Variants in CRADD observed in about 807,000 individuals in gnomAD.
CRADD encodes CARD and death domain containing adaptor protein.
A neutral mutation model predicts 15.5 loss-of-function variants in CRADD; 9 were observed. The observed-to-expected ratio is 0.58, with a 90% CI of 0.35 to 1.01. CRADD has a LOEUF of 1.01. Ranked by LOEUF, CRADD falls within the 50% of genes least tolerant of loss-of-function variation. The pLI is 0.02. For missense variants in CRADD, 227 were observed against 250.3 expected, an observed-to-expected ratio of 0.91 and a Z score of 0.63; for synonymous variants, 118 against 107.6, an observed-to-expected ratio of 1.10 and a Z score of -0.60.
intron 2 of CRADD, among the ~76,000 whole-genome samples, chr12:93,795,273 G>A (rs1336788946): frequency 1.3e-5 from 2 of 152,162 alleles, no homozygotes; most frequent in East Asian, 1.9e-4. Context: ...CCCCAAAGGC[G>A]AATCTGTGCA....
intron 2 of CRADD, among the ~76,000 whole-genome samples, chr12:93,804,268 G>A (rs1957510306): frequency 6.6e-6 from 1 of 152,184 alleles, no homozygotes; most frequent in Non-Finnish European, 1.5e-5. Context: ...AGTGATGCCA[G>A]TGAGGATGTT....
chr12:93,892,456 G>GC (rs1958582856), intron 2 of CRADD, among the ~76,000 whole-genome samples: 1 of 152,192 alleles, frequency 6.6e-6, no homozygotes, highest in Non-Finnish European at 1.5e-5. Context: ...CGTTGTGATT[G>GC]CAACTGTGAC....
intron 2 of CRADD, among the ~76,000 whole-genome samples, chr12:93,688,691 C>T (rs1236533389): frequency 2.6e-5 from 4 of 152,020 alleles, no homozygotes; most frequent in Admixed American, 6.6e-5. Flanking sequence ...TGAACAGATG[C>T]GAAAATGTAA....
chr12:93,857,326 C>G (rs754046583), intron 2 of CRADD, among the ~76,000 whole-genome samples: 32 of 152,154 alleles, frequency 2.1e-4, no homozygotes, highest in Non-Finnish European at 2.2e-4. Context: ...GTATAACCTC[C>G]TACTTGTCAG....
At chr12:93,728,928 C>T (rs766673873) in intron 2 of CRADD, among the ~76,000 whole-genome samples, 14 of 152,262 alleles carry the variant, frequency 9.2e-5, no homozygotes, top group Admixed American at 2.0e-4. Context: ...AGTCTAGAAG[C>T]AGGCTTGAGT....
In CRADD at chr12:93,695,288, C is replaced by T. The variant is rs1955676549; in HGVS notation, c.298+16216C>T. 2.0e-5 allele frequency among the ~76,000 whole-genome samples: 3 copies of T among 152,190 alleles called. No homozygotes were observed. The South Asian group carries it at 6.2e-4, about 31-fold the overall frequency. On this transcript the variant is annotated intron_variant, in intron 2 of 2. Transcript: ENST00000332896. ...CAGAAGAATTTAGACCCTCATCTCA[C>T]ACCATGTATAAAAATAAACTCAAAA... is the stretch of plus-strand genomic sequence containing the variant.
intron 2 of CRADD, among the ~76,000 whole-genome samples, chr12:93,726,136 CT>C (rs1206215785): frequency 3.7e-5 from 4 of 109,156 alleles, no homozygotes; most frequent in East Asian, 3.0e-4. Flanking sequence ...TGGAGTTTCA[CT>C]TTTGTCACCC....
chr12:93,690,215 G>A (rs1565872672), intron 2 of CRADD, among the ~76,000 whole-genome samples: 3 of 152,186 alleles, frequency 2.0e-5, no homozygotes, highest in Non-Finnish European at 4.4e-5. Context: ...CTTCCTCTAG[G>A]ACACCAGAAT....
chr12:93,836,583 T>A (rs1303804393), intron 2 of CRADD, among the ~76,000 whole-genome samples: 1 of 152,240 alleles, frequency 6.6e-6, no homozygotes, highest in African/African-American at 2.4e-5. Flanking sequence ...TCCTCTCTTT[T>A]TAATTTTCTG....
chr12:93,733,791 T>C (rs1464088826), intron 2 of CRADD: 3 of 151,782 alleles, frequency 2.0e-5, no homozygotes, highest in Non-Finnish European at 4.4e-5. Context: ...CAGGCTAGAC[T>C]GCAGTGGTGA....
rs1957056374 is a variant in CRADD at position 93,769,089 on chromosome 12, T to TA, written c.299-80881_299-80880insA. Among the ~76,000 whole-genome samples, 4 of 152,112 alleles carry TA rather than the reference T, an allele frequency of 2.6e-5. No homozygotes were observed. The South Asian group carries it at 8.3e-4, about 32-fold the overall frequency. ...GTTTTTGTTATATACTTTATTTATTTTTTTTTTTGGAGACAGGGTCTTACT... is the reference window on the plus strand; with the variant it reads ...GTTTTTGTTATATACTTTATTTATTTATTTTTTTTGGAGACAGGGTCTTACT... On this transcript the variant is annotated intron_variant, in intron 2 of 2. Coordinates refer to ENST00000332896, the MANE Select transcript of CRADD (RefSeq NM_003805.5).
chr12:93,721,972 A>G (rs1043709837), intron 2 of CRADD, among the ~76,000 whole-genome samples: 2 of 152,032 alleles, frequency 1.3e-5, no homozygotes, highest in African/African-American at 2.4e-5. Context: ...CTGACCTAAC[A>G]TTATTTTCCT....
At chr12:93,742,045 A>G (rs566253895) in intron 2 of CRADD, among the ~76,000 whole-genome samples, 27 of 152,306 alleles carry the variant, frequency 1.8e-4, no homozygotes, top group Middle Eastern at 3.4e-3. Context: ...GTCCTTGCTA[A>G]TGTCAGCAAC....
chr12:93,771,814 A>G (rs1957088437), intron 2 of CRADD, among the ~76,000 whole-genome samples: 1 of 152,216 alleles, frequency 6.6e-6, no homozygotes. Flanking sequence ...TACCTCCATG[A>G]TCTTGATTAA....
At chr12:93,838,080 C>G (rs60861011) in intron 2 of CRADD, 1 of 152,102 alleles carries the variant, frequency 6.6e-6, no homozygotes, top group Non-Finnish European at 1.5e-5. Context: ...GTGGGTTTCA[C>G]TTAATCATCC....
intron 2 of CRADD, among the ~76,000 whole-genome samples, chr12:93,812,000 A>G (rs1372439390): frequency 6.6e-6 from 1 of 152,230 alleles, no homozygotes; most frequent in Non-Finnish European, 1.5e-5. Flanking sequence ...GGAACATTAA[A>G]TACACGTTGA....
At chr12:93,867,635 ACTGT>A (rs1386685215) in intron 2 of CRADD, among the ~76,000 whole-genome samples, 1 of 152,040 alleles carries the variant, frequency 6.6e-6, no homozygotes, top group East Asian at 1.9e-4. Flanking sequence ...CAAAGATAAA[ACTGT>A]CTATTTTAGA....
intron 2 of CRADD, among the ~76,000 whole-genome samples, chr12:93,795,985 C>T (rs992480404): frequency 6.6e-6 from 1 of 152,196 alleles, no homozygotes; most frequent in African/African-American, 2.4e-5. Context: ...TCTTTTGTCA[C>T]ATCCTAGAGT....
At chr12:93,800,898 A>G (rs1957470468) in intron 2 of CRADD, among the ~76,000 whole-genome samples, 1 of 152,194 alleles carries the variant, frequency 6.6e-6, no homozygotes, top group Non-Finnish European at 1.5e-5. Flanking sequence ...CACAAAATTA[A>G]CCATCACATA....
Sources: allele counts gnomAD v4.1 joint callset (sites outside exome capture counted in the v4.1 genomes callset), GRCh38; gene constraint gnomAD v4.1.1; transcripts MANE v1.5; gene names NCBI Gene and HGNC (gene_info 2026-07-23, HGNC 2026-07-21).